MAML2: variants seen among roughly 807,000 people sequenced by gnomAD.
MAML2 encodes mastermind-like protein 2.
MAML2 carries 22 observed loss-of-function variants against 96.1 expected under a neutral mutation model. The observed-to-expected ratio is 0.23, with a 90% confidence interval of 0.16 to 0.33. The LOEUF (loss-of-function observed/expected upper bound fraction) is 0.33. MAML2 is among the 10% of genes least tolerant of loss of function. The probability of loss-of-function intolerance (pLI) is 1.00; values close to 1 mark genes in which losing one functional copy is unlikely to be tolerated. For synonymous variants in MAML2, 561 were observed against 521.3 expected (o/e 1.08, Z -1.04); for missense variants, 1,367 against 1,392.4 (o/e 0.98, Z 0.29).
At chr11:96,043,042 C>CT (rs1858841904) in intron 2 of MAML2, among the ~76,000 whole-genome samples, 2 of 152,048 alleles carry the variant, frequency 1.3e-5, no homozygotes, top group South Asian at 4.1e-4. Context: ...CACCACCCGG[C>CT]GAATCCTTAA....
At position 96,093,471 on chromosome 11, in the gene MAML2, G is replaced by T; in HGVS notation, c.560C>A (p.Ala187Asp). 1 of 1,613,790 alleles carries T rather than the reference G, an allele frequency of 6.2e-7. No homozygotes were observed. Among genetic ancestry groups the T allele is most frequent in the South Asian group, 1.1e-5 (1 of 90,994 alleles). Residue 187 changes from alanine to aspartate, a missense_variant, in exon 2 of 5, where the codon GCC becomes GAC. Transcript: ENST00000524717. ...KRKQVVNLSP[A>D]NSKRPNGFVD... is the part of the protein sequence containing the mutation. ...AAAGCCATTGGGTCGCTTGCTGTTG[G>T]CAGGAGATAGGTTAACTACCTGTTT...
intron 2 of MAML2, among the ~76,000 whole-genome samples, chr11:96,041,611 A>G (rs1858812371): frequency 6.6e-6 from 1 of 152,190 alleles, no homozygotes; most frequent in African/African-American, 2.4e-5. Context: ...GAGGTGATCC[A>G]TGGTCATCTG....
At chr11:96,181,178 C>T (rs1199831531) in intron 1 of MAML2, among the ~76,000 whole-genome samples, 1 of 152,168 alleles carries the variant, frequency 6.6e-6, no homozygotes, top group Non-Finnish European at 1.5e-5. Flanking sequence ...GTGCAAGTCA[C>T]AGGGGATGTG....
At chr11:96,284,289 A>G (rs954094927) in intron 1 of MAML2, among the ~76,000 whole-genome samples, 4 of 152,210 alleles carry the variant, frequency 2.6e-5, no homozygotes, top group Admixed American at 6.5e-5. Context: ...AATCCTCTCC[A>G]GAGGTGCAGG....
chr11:96,005,083 A>C (rs1190312918), intron 2 of MAML2, among the ~76,000 whole-genome samples: 1 of 152,210 alleles, frequency 6.6e-6, no homozygotes, highest in Non-Finnish European at 1.5e-5. Flanking sequence ...CCCTCACCAG[A>C]CACAAATGCC....
At chr11:96,334,906 T>C (rs1157192514) in intron 1 of MAML2, among the ~76,000 whole-genome samples, 3 of 152,234 alleles carry the variant, frequency 2.0e-5, no homozygotes, top group African/African-American at 7.2e-5. Flanking sequence ...CCTCAACCTG[T>C]GGAGAATATG....
chr11:96,120,847 G>A (rs1014100980), intron 1 of MAML2, among the ~76,000 whole-genome samples: 1 of 152,136 alleles, frequency 6.6e-6, no homozygotes, highest in African/African-American at 2.4e-5. Flanking sequence ...AGAGGATGAG[G>A]ATTCTCAGAG....
chr11:96,277,195 G>T (rs756912889), intron 1 of MAML2, among the ~76,000 whole-genome samples: 1 of 152,118 alleles, frequency 6.6e-6, no homozygotes, highest in African/African-American at 2.4e-5. Flanking sequence ...ACCAGGCCAG[G>T]AACTATAGCA....
At chr11:96,264,274 G>A (rs1038023094) in intron 1 of MAML2, among the ~76,000 whole-genome samples, 1 of 152,148 alleles carries the variant, frequency 6.6e-6, no homozygotes, top group Admixed American at 6.5e-5. Flanking sequence ...ACCCATCCAT[G>A]TGTTCGTTTT....
rs1377298053 is a variant in MAML2, at chr11:96,143,697, T to A, written c.514-50180A>T. Among the ~76,000 whole-genome samples the A allele has an allele frequency of 2.0e-5, 3 of 152,194 alleles. No homozygotes were observed. In the East Asian group the frequency reaches 5.8e-4, roughly 29 times the overall value. On this transcript the variant is annotated intron_variant, in intron 1 of 4. Coordinates refer to ENST00000524717, the MANE Select transcript of MAML2 (RefSeq NM_032427.4). The stretch of plus-strand genomic sequence containing the variant: ...TTAATTCCTTGCACATATTTTGTGC[T>A]TTTAGACTCCAAGAATGATAATAGA...
intron 2 of MAML2, among the ~76,000 whole-genome samples, chr11:96,026,154 G>A (rs918561759): frequency 2.6e-5 from 4 of 152,158 alleles, no homozygotes; most frequent in African/African-American, 4.8e-5. Context: ...CCACCATCTG[G>A]ACTGCACTGT....
intron 1 of MAML2, among the ~76,000 whole-genome samples, chr11:96,263,718 T>C (rs1162531490): frequency 6.6e-6 from 1 of 152,246 alleles, no homozygotes; most frequent in Non-Finnish European, 1.5e-5. Flanking sequence ...AGTCTGTACT[T>C]GGGCTCAGCA....
At chr11:96,154,141 C>T (rs1028004606) in intron 1 of MAML2, among the ~76,000 whole-genome samples, 4 of 152,052 alleles carry the variant, frequency 2.6e-5, no homozygotes, top group African/African-American at 7.2e-5. Flanking sequence ...TCAAACTGAA[C>T]TTTAACAAAG....
rs184892065 is a variant in MAML2, at chr11:96,095,684, C to T, written c.514-2167G>A. Among the ~76,000 whole-genome samples the T allele has an allele frequency of 7.9e-5, 12 of 152,306 alleles. No homozygotes were observed. In the East Asian group the frequency reaches 2.1e-3, roughly 27 times the overall value. ...GGGCTTGTTTCCAATCCCAGGTCAGCTCTGCTTGTTTTCTTTGATACATTA... is the reference window on the plus strand; with the variant it reads ...GGGCTTGTTTCCAATCCCAGGTCAGTTCTGCTTGTTTTCTTTGATACATTA... On this transcript the variant is annotated intron_variant, in intron 1 of 4. Transcript: ENST00000524717.
At chr11:96,057,446 C>T (rs1355951832) in intron 2 of MAML2, among the ~76,000 whole-genome samples, 1 of 152,142 alleles carries the variant, frequency 6.6e-6, no homozygotes, top group African/African-American at 2.4e-5. Context: ...TCCATTTCTC[C>T]ATCCAAAAAC....
At chr11:96,002,937 G>A (rs752916487) in intron 2 of MAML2, among the ~76,000 whole-genome samples, 2 of 145,212 alleles carry the variant, frequency 1.4e-5, no homozygotes, top group Non-Finnish European at 3.0e-5. Flanking sequence ...AAGATGATGG[G>A]GATGATAAGA....
Position 96,091,910 on chromosome 11 carries a change from G to T in MAML2, c.2121C>A (p.Val707=). ...NQPIAGMGYQ[V]SQQQRQDQHS... ...CCCTTACCTGTCTCTGTTGTTGGGAGACTTGGTATCCCATTCCTGCAATGG... is the reference window on the plus strand; with the variant it reads ...CCCTTACCTGTCTCTGTTGTTGGGATACTTGGTATCCCATTCCTGCAATGG... The change falls in exon 2 of 5, where the codon GTC becomes GTA. Residue 707 remains valine (V), a synonymous_variant. Coordinates refer to ENST00000524717, the MANE Select transcript of MAML2 (RefSeq NM_032427.4). The T allele has an allele frequency of 1.2e-6, 2 of 1,613,416 alleles. No individual in the cohort carries two copies. The highest frequency in any genetic ancestry group is 1.7e-6 in the Non-Finnish European group (2 of 1,179,588).
intron 3 of MAML2, among the ~76,000 whole-genome samples, chr11:95,986,107 T>C (rs1054401297): frequency 6.6e-6 from 1 of 152,206 alleles, no homozygotes; most frequent in African/African-American, 2.4e-5. Context: ...GGTACCTACG[T>C]AGAATTCTGG....
chr11:96,286,292 T>C (rs947841514), intron 1 of MAML2, among the ~76,000 whole-genome samples: 1 of 152,042 alleles, frequency 6.6e-6, no homozygotes, highest in Non-Finnish European at 1.5e-5. Context: ...CATGAACACA[T>C]TGCGGGGAAC....
Sources: allele counts gnomAD v4.1 joint callset (sites outside exome capture counted in the v4.1 genomes callset), GRCh38; gene constraint gnomAD v4.1.1; transcripts MANE v1.5; gene names NCBI Gene and HGNC (gene_info 2026-07-23, HGNC 2026-07-21).